Variants in C8orf34 observed in about 807,000 individuals in gnomAD.
C8orf34 encodes the protein uncharacterized protein C8orf34.
In C8orf34, 65 loss-of-function variants were observed where a neutral mutation model predicts 68.3. The observed-to-expected ratio is 0.95, with a 90% CI of 0.78 to 1.17. C8orf34 has a LOEUF of 1.17. Among genes scored for constraint, C8orf34 ranks in the 50% most tolerant of loss-of-function variants. The pLI is 0.00. For synonymous variants in C8orf34, 244 were observed against 241.2 expected, an observed-to-expected ratio of 1.01 and a Z score of -0.11; for missense variants, 664 against 655.4, an observed-to-expected ratio of 1.01 and a Z score of -0.14.
chr8:68,622,008 G>A (rs1208081507), intron 7 of C8orf34, among the ~76,000 whole-genome samples: 2 of 152,192 alleles, frequency 1.3e-5, no homozygotes, highest in African/African-American at 4.8e-5. Context: ...CAGGGCTCAT[G>A]AGGTCTCTTT....
At chr8:68,342,124 A>G (rs1806096350) in intron 1 of C8orf34, among the ~76,000 whole-genome samples, 1 of 152,240 alleles carries the variant, frequency 6.6e-6, no homozygotes, top group South Asian at 2.1e-4. Flanking sequence ...AGATATGTTA[A>G]TCAGCATGAT....
intron 9 of C8orf34, among the ~76,000 whole-genome samples, chr8:68,716,347 A>G (rs981631450): frequency 1.3e-5 from 2 of 152,214 alleles, no homozygotes; most frequent in African/African-American, 4.8e-5. Flanking sequence ...ATGCCCAAAG[A>G]AAAGCCACAA....
intron 1 of C8orf34, among the ~76,000 whole-genome samples, chr8:68,377,960 C>T (rs998980522): frequency 2.0e-5 from 3 of 152,026 alleles, no homozygotes; most frequent in Non-Finnish European, 2.9e-5. Context: ...CATCAGAAAC[C>T]ATCAGATCTC....
chr8:68,583,318 T>C lies in C8orf34; in HGVS notation c.1105+50169T>C, dbSNP rs142880339. 5.0e-3 allele frequency among the ~76,000 whole-genome samples: 762 copies of C among 152,246 alleles called. 6 individuals are homozygous for C. Among genetic ancestry groups the C allele is most frequent in the African/African-American group, 0.017 (722 of 41,568 alleles). ...TGACTACCATGCATGAAAAACTTCA[T>C]TGGGCTCTATTTATTTAATTTAATG... is the stretch of plus-strand genomic sequence containing the variant. On this transcript the variant is annotated intron_variant, in intron 7 of 13. Transcript: ENST00000518698.
chr8:68,469,955 TG>T (rs1812313251), intron 4 of C8orf34, among the ~76,000 whole-genome samples: 1 of 151,828 alleles, frequency 6.6e-6, no homozygotes, highest in Non-Finnish European at 1.5e-5. Flanking sequence ...TGTGTGTGTG[TG>T]TATGTGTGTA....
At chr8:68,692,351 A>T (rs1351500560) in intron 8 of C8orf34, among the ~76,000 whole-genome samples, 1 of 152,104 alleles carries the variant, frequency 6.6e-6, no homozygotes, top group Non-Finnish European at 1.5e-5. Flanking sequence ...TTTTTCTTCA[A>T]TAATAAGTTT....
chr8:68,734,843 C>T (rs908234368), intron 10 of C8orf34, among the ~76,000 whole-genome samples: 17 of 152,142 alleles, frequency 1.1e-4, no homozygotes, highest in African/African-American at 4.1e-4. Flanking sequence ...GGCGGCCAGA[C>T]CTTTCTTGAG....
chr8:68,413,004 C>T (rs1430170040), intron 1 of C8orf34, among the ~76,000 whole-genome samples: 1 of 152,146 alleles, frequency 6.6e-6, no homozygotes. Context: ...TTAGCTAATC[C>T]ATAGCCCTAC....
chr8:68,530,474 C>T, intron 6 of C8orf34: 1 of 255,708 alleles, frequency 3.9e-6, no homozygotes, highest in South Asian at 4.5e-5. Flanking sequence ...TTCAGCTTAA[C>T]ATGTTAGATC....
chr8:68,487,214 A>G (rs1813115308), intron 4 of C8orf34, among the ~76,000 whole-genome samples: 2 of 152,188 alleles, frequency 1.3e-5, no homozygotes, highest in South Asian at 4.1e-4. Flanking sequence ...AATGAGAAGA[A>G]AAGACAGCTC....
intron 2 of C8orf34, among the ~76,000 whole-genome samples, chr8:68,442,220 G>A (rs1810939691): frequency 6.6e-6 from 1 of 151,938 alleles, no homozygotes; most frequent in South Asian, 2.1e-4. Context: ...TTGAAGTAAG[G>A]GCACCAATTA....
intron 1 of C8orf34, among the ~76,000 whole-genome samples, chr8:68,338,400 A>C (rs1002589225): frequency 2.6e-5 from 4 of 152,158 alleles, no homozygotes; most frequent in Admixed American, 6.5e-5. Flanking sequence ...GCATTGTCTC[A>C]GTTGGAACAG....
intron 7 of C8orf34, among the ~76,000 whole-genome samples, chr8:68,590,608 A>G (rs1817358455): frequency 6.6e-6 from 1 of 152,220 alleles, no homozygotes; most frequent in Non-Finnish European, 1.5e-5. Context: ...TAAAATCATT[A>G]AACTTTTAAA....
intron 7 of C8orf34, among the ~76,000 whole-genome samples, chr8:68,596,658 G>A (rs766492701): frequency 5.9e-5 from 9 of 152,080 alleles, no homozygotes; most frequent in Non-Finnish European, 1.2e-4. Flanking sequence ...CATATCTGTG[G>A]GTTAGTGCAG....
At chr8:68,379,797 A>G (rs1219093064) in intron 1 of C8orf34, among the ~76,000 whole-genome samples, 1 of 152,190 alleles carries the variant, frequency 6.6e-6, no homozygotes, top group African/African-American at 2.4e-5. Flanking sequence ...ATGTGCCAGG[A>G]CACCCTCTGG....
intron 8 of C8orf34, among the ~76,000 whole-genome samples, chr8:68,653,669 C>G (rs1229105191): frequency 6.6e-6 from 1 of 152,112 alleles, no homozygotes; most frequent in Non-Finnish European, 1.5e-5. Context: ...CTGGATAGCT[C>G]TCTAAACTCT....
chr8:68,773,199 G>T (rs1206894826), intron 10 of C8orf34, among the ~76,000 whole-genome samples: 3 of 152,026 alleles, frequency 2.0e-5, no homozygotes, highest in African/African-American at 7.2e-5. Flanking sequence ...CATTTCACTG[G>T]TCTGGTGTTG....
At chr8:68,490,178 CTA>C (rs1310751485) in intron 5 of C8orf34, among the ~76,000 whole-genome samples, 1 of 152,090 alleles carries the variant, frequency 6.6e-6, no homozygotes, top group African/African-American at 2.4e-5. Context: ...CAGTTATGGT[CTA>C]TGTTCATTTT....
intron 8 of C8orf34, among the ~76,000 whole-genome samples, chr8:68,677,781 G>T (rs1280142904): frequency 1.3e-5 from 2 of 152,104 alleles, no homozygotes; most frequent in East Asian, 3.9e-4. Context: ...TAATACAAAA[G>T]TTCAACAAAA....
Sources: gnomAD v4.1 joint callset for allele counts (sites outside exome capture counted in the v4.1 genomes callset) on GRCh38, gnomAD v4.1.1 for gene constraint, MANE v1.5 for transcripts, NCBI Gene and HGNC (gene_info 2026-07-23, HGNC 2026-07-21) for gene names.